CAGE1: variants seen among roughly 807,000 people sequenced by gnomAD.
CAGE1 encodes the protein cancer-associated gene 1 protein.
In CAGE1, 66 loss-of-function variants were observed where a neutral mutation model predicts 94.9. The ratio of observed to expected loss-of-function variants is 0.70; its 90% CI spans 0.57 to 0.85. The LOEUF (loss-of-function observed/expected upper bound fraction) is 0.85, where lower values mean the gene tolerates loss of function less well. CAGE1 is among the 40% of genes least tolerant of loss of function. The probability of loss-of-function intolerance (pLI) is 0.00; values close to 1 mark genes in which losing one functional copy is unlikely to be tolerated. For synonymous variants in CAGE1, 319 were observed against 321.0 expected (o/e 0.99, Z 0.07); for missense variants, 865 against 950.4 (o/e 0.91, Z 1.18).
chr6:7,365,768 A>G, intron 8 of CAGE1, 36 bp downstream of exon 8: 4 of 1,377,196 alleles, frequency 2.9e-6, no homozygotes, highest in Non-Finnish European at 4.0e-6. Flanking sequence ...GTATATTTTT[A>G]TGTTAAAGAT....
intron 11 of CAGE1, among the ~76,000 whole-genome samples, chr6:7,351,260 T>TA (rs1287912190): frequency 1.3e-5 from 2 of 152,024 alleles, no homozygotes; most frequent in African/African-American, 2.4e-5. Flanking sequence ...AAGAATTAGA[T>TA]ACCCTGAACA....
At chr6:7,346,195 AAGCT>A (rs1011886274) in intron 11 of CAGE1, among the ~76,000 whole-genome samples, 2 of 152,208 alleles carry the variant, frequency 1.3e-5, no homozygotes, top group African/African-American at 4.8e-5. Flanking sequence ...AATGAGAGTA[AAGCT>A]AATTCACTAT....
intron 2 of CAGE1, among the ~76,000 whole-genome samples, chr6:7,386,668 C>A (rs752049092): frequency 6.6e-5 from 10 of 152,096 alleles, no homozygotes; most frequent in Non-Finnish European, 1.5e-5. Flanking sequence ...CTCCCTGTAA[C>A]CTCTACCTCC....
chr6:7,329,965 C>T (rs903953227), intron 12 of CAGE1, 77 bp from the exon 13 acceptor site: 3 of 638,338 alleles, frequency 4.7e-6, no homozygotes, highest in Admixed American at 2.7e-5. Flanking sequence ...AGCAAGTTGC[C>T]ATTATTTAGC....
chr6:7,379,543 A>C (rs1760863721), intron 3 of CAGE1, among the ~76,000 whole-genome samples: 1 of 152,250 alleles, frequency 6.6e-6, no homozygotes, highest in Non-Finnish European at 1.5e-5. Flanking sequence ...TACTACTTCT[A>C]AATGCTATGC....
chr6:7,333,677 T>TATATATA (rs11400589), intron 12 of CAGE1, among the ~76,000 whole-genome samples: 1 of 140,326 alleles, frequency 7.1e-6, no homozygotes, highest in Admixed American at 7.1e-5. Flanking sequence ...TATATATACA[T>TATATATA]TTTTTTTTTG....
chr6:7,342,670 C>A (rs1020958057), intron 11 of CAGE1, among the ~76,000 whole-genome samples: 6 of 152,184 alleles, frequency 3.9e-5, no homozygotes, highest in African/African-American at 1.4e-4. Flanking sequence ...ATGTGTTAAT[C>A]ATTGTTTTTG....
At position 7,341,759 on chromosome 6, in the gene CAGE1, T is replaced by C. The variant is rs931579982; in HGVS notation, c.2370-7669A>G. ...GCCTCGCTTGGATCACACAGAACCA[T>C]GGCCAGTGCAGAGAAGACAGAGCAG... On this transcript the variant is annotated intron_variant, in intron 11 of 13. Transcript: ENST00000502583. The C allele has an allele frequency of 7.3e-6, 5 of 687,992 alleles. No homozygotes were observed. The Admixed American group carries it at 8.9e-5, about 12-fold the overall frequency. The allele number at this position is 687,992 out of a possible 1,614,324, so 42.6% of individuals were successfully genotyped here.
At chr6:7,378,250 G>A (rs1760820770) in intron 4 of CAGE1, among the ~76,000 whole-genome samples, 1 of 152,230 alleles carries the variant, frequency 6.6e-6, no homozygotes, top group African/African-American at 2.4e-5. Flanking sequence ...TATAGACGCT[G>A]TGGTGCATAA....
intron 11 of CAGE1, among the ~76,000 whole-genome samples, chr6:7,353,447 T>C (rs1759850847): frequency 6.6e-6 from 1 of 152,140 alleles, no homozygotes; most frequent in Non-Finnish European, 1.5e-5. Flanking sequence ...GGTGGGAATG[T>C]AAACTAGAAT....
intron 4 of CAGE1, 67 bp downstream of exon 4, chr6:7,378,550 T>C: frequency 7.3e-7 from 1 of 1,373,826 alleles, no homozygotes; most frequent in South Asian, 1.6e-5. Flanking sequence ...TAATTAACTC[T>C]CAGATGAACT....
At chr6:7,334,320 A>G (rs1323495777) in intron 11 of CAGE1, among the ~76,000 whole-genome samples, 1 of 152,224 alleles carries the variant, frequency 6.6e-6, no homozygotes, top group East Asian at 1.9e-4. Context: ...AGTAGACAGT[A>G]GCAAATATGT....
At position 7,389,322 on chromosome 6, in the gene CAGE1, T is replaced by C. The variant is rs930240889; in HGVS notation, c.-144A>G. 2 of 456,292 alleles carry C rather than the reference T, an allele frequency of 4.4e-6. No individual in the cohort carries two copies. The highest frequency in any genetic ancestry group is 3.1e-5 in the South Asian group (2 of 64,572). 28.3% of individuals were successfully genotyped at this position (456,292 alleles called of 1,614,324 possible). On this transcript the variant is annotated 5_prime_UTR_variant, in exon 1 of 14. Transcript: ENST00000502583. ...GTTTCTTGGACCCACGCTACGGACC[T>C]GGCTCTCCCTCCCTCTGCACCGGGT...
chr6:7,351,858 A>C (rs1322282331), intron 11 of CAGE1, among the ~76,000 whole-genome samples: 1 of 152,198 alleles, frequency 6.6e-6, no homozygotes, highest in African/African-American at 2.4e-5. Flanking sequence ...TTCTCAGCAA[A>C]ACTGGCATAC....
chr6:7,358,220 G>GA (rs1159518305), intron 9 of CAGE1, among the ~76,000 whole-genome samples: 1 of 150,882 alleles, frequency 6.6e-6, no homozygotes, highest in Non-Finnish European at 1.5e-5. Flanking sequence ...GGCAAACACT[G>GA]ATCCACTTTC....
Position 7,387,863 on chromosome 6 carries a change from C to CAA in CAGE1, c.-23-669_-23-668dup, listed in dbSNP as rs70978962. On this transcript the variant is annotated intron_variant, in intron 1 of 13. Transcript: ENST00000502583. ...TGAAACCCCATCTCTACTAAAAATA[C>CAA]AAAAAAAAAAAAAAAAAAAAATTAG... Among the ~76,000 whole-genome samples the CAA allele has an allele frequency of 7.3e-3, 796 of 108,860 alleles. 10 individuals carry two copies. Among genetic ancestry groups the CAA allele is most frequent in the African/African-American group, 0.023 (700 of 30,052 alleles). The allele number at this position is 108,860 out of a possible 152,430, so 71.4% of individuals were successfully genotyped here. A position where few individuals can be genotyped will look rare whatever the true frequency, so the allele number is the denominator to read the frequency against.
intron 11 of CAGE1, among the ~76,000 whole-genome samples, chr6:7,348,156 C>T (rs1037183975): frequency 3.9e-5 from 6 of 152,140 alleles, no homozygotes; most frequent in South Asian, 2.1e-4. Context: ...AAGTTAAGAA[C>T]GCTCACAGAG....
At chr6:7,351,431 C>G (rs957043919) in intron 11 of CAGE1, among the ~76,000 whole-genome samples, 1 of 151,744 alleles carries the variant, frequency 6.6e-6, no homozygotes, top group Non-Finnish European at 1.5e-5. Flanking sequence ...AGAGAAAACC[C>G]TCCATAATTC....
At chr6:7,358,614 G>A (rs1245533880) in intron 9 of CAGE1, among the ~76,000 whole-genome samples, 1 of 152,174 alleles carries the variant, frequency 6.6e-6, no homozygotes, top group Non-Finnish European at 1.5e-5. Context: ...ACGGAGGCGG[G>A]AGGATTGCTT....
Sources: allele counts gnomAD v4.1 joint callset (sites outside exome capture counted in the v4.1 genomes callset), GRCh38; gene constraint gnomAD v4.1.1; transcripts MANE v1.5; gene names NCBI Gene and HGNC (gene_info 2026-07-23, HGNC 2026-07-21).